Variants in THAP4 observed in about 807,000 individuals in gnomAD.
THAP4 encodes the protein peroxynitrite isomerase THAP4.
THAP4 carries 18 observed loss-of-function variants against 48.1 expected under a neutral mutation model. That is an observed-to-expected ratio of 0.37 (90% CI 0.26 to 0.56). The LOEUF is 0.56. Ranked by LOEUF, THAP4 falls within the 20% of genes least tolerant of loss-of-function variation. The pLI, the probability that THAP4 is intolerant of heterozygous loss-of-function variation, is 0.78. For synonymous variants in THAP4, 345 were observed against 324.9 expected (o/e 1.06, Z -0.66); for missense variants, 656 against 774.9 (o/e 0.85, Z 1.82).
intron 2 of THAP4, 124 bp from the exon 3 acceptor site, chr2:241,606,597 T>C (rs1343553286): frequency 8.4e-6 from 8 of 950,328 alleles, no homozygotes; most frequent in Non-Finnish European, 4.5e-6. Context: ...CTGGGGGACC[T>C]GTCAAGAGCG....
chr2:241,619,831 C>CA (rs2067395904), intron 2 of THAP4, among the ~76,000 whole-genome samples: 1 of 36,854 alleles, frequency 2.7e-5, no homozygotes. Flanking sequence ...AGTTGTGAGT[C>CA]GTGAGTGAGG....
At position 241,633,904 on chromosome 2, in the gene THAP4, A is replaced by G; in HGVS notation, c.253T>C (p.Phe85Leu). The G allele has an allele frequency of 6.2e-7, 1 of 1,614,042 alleles. No homozygotes were observed. Among genetic ancestry groups the G allele is most frequent in the Non-Finnish European group, 8.5e-7 (1 of 1,179,988 alleles). The change falls in exon 2 of 6, where the codon TTC becomes CTC. Residue 85 changes from phenylalanine (F) to leucine (L), a missense_variant. Phe to Leu is a conservative substitution (Grantham distance 22). This residue lies in a region of THAP4 where 391 missense variants were observed against 412.4 expected (regional missense o/e 0.95). Coordinates refer to ENST00000407315, the MANE Select transcript of THAP4 (RefSeq NM_015963.6). This position sits in a 1 kb window ranked among gnomAD's most constrained non-coding sequence, Gnocchi z 7.5. ...CCCCTCTTCTTCTCGGTCAGGTGGA[A>G]GATGGATGGCACGGCCGTGGGCTTC... ...LLKPTAVPSIFHLTEKKRGAG... is the reference protein window; with the variant it reads ...LLKPTAVPSILHLTEKKRGAG...
At chr2:241,636,607 G>T (rs1158913531) in intron 1 of THAP4, among the ~76,000 whole-genome samples, 1 of 152,196 alleles carries the variant, frequency 6.6e-6, no homozygotes, top group Non-Finnish European at 1.5e-5. Context: ...GACGGCCCGC[G>T]CGGTCCGGAG....
In THAP4 at chr2:241,610,108, G is replaced by A. The variant is rs568555303; in HGVS notation, c.1241-3635C>T. ...AGGGCCCCGAGGAAGAGGCCAAGGG[G>A]CCTGGCGGCGCCCCCCAGGGTCCCA... On this transcript the variant is annotated intron_variant, in intron 2 of 5. Coordinates refer to ENST00000407315, the MANE Select transcript of THAP4 (RefSeq NM_015963.6). This position sits in a 1 kb window ranked among gnomAD's most constrained non-coding sequence, Gnocchi z 4.2. Among the ~76,000 whole-genome samples the A allele has an allele frequency of 6.6e-5, 10 of 152,194 alleles. No individual in the cohort carries two copies. Among genetic ancestry groups the A allele is most frequent in the Non-Finnish European group, 1.5e-4 (10 of 68,016 alleles).
intron 3 of THAP4, among the ~76,000 whole-genome samples, chr2:241,605,808 C>T (rs1450887527): frequency 6.6e-6 from 1 of 151,992 alleles, no homozygotes; most frequent in Non-Finnish European, 1.5e-5. Flanking sequence ...CTTGGCCCTC[C>T]CTGGGTTCAA....
At chr2:241,634,816 G>A (rs917599997) in intron 1 of THAP4, among the ~76,000 whole-genome samples, 2 of 152,090 alleles carry the variant, frequency 1.3e-5, no homozygotes, top group African/African-American at 2.4e-5. Flanking sequence ...AGTGAAACCC[G>A]GTCTTCTCCC....
At chr2:241,602,815 C>A (rs2067131564) in intron 4 of THAP4, among the ~76,000 whole-genome samples, 155 bp downstream of exon 4, 1 of 152,228 alleles carries the variant, frequency 6.6e-6, no homozygotes, top group African/African-American at 2.4e-5. Context: ...GCCCCGCAGG[C>A]TCCCAGGACC....
intron 2 of THAP4, among the ~76,000 whole-genome samples, chr2:241,619,940 G>A (rs1182516170): frequency 8.8e-6 from 1 of 113,940 alleles, no homozygotes; most frequent in African/African-American, 3.5e-5. Context: ...GGTGAGGGGT[G>A]AGTGAGTCAT....
chr2:241,607,100 C>T (rs1344396303), intron 2 of THAP4, among the ~76,000 whole-genome samples: 1 of 152,112 alleles, frequency 6.6e-6, no homozygotes, highest in East Asian at 1.9e-4. Context: ...TGGGGCTTCA[C>T]AGCAGCCTGT....
chr2:241,603,070 G>C lies in THAP4; in HGVS notation c.1410C>G (p.Ser470=). The change falls in exon 4 of 6, where the codon TCC becomes TCG. Residue 470 remains serine, a synonymous_variant. Transcript: ENST00000407315. ...TCGGCTTGCGCGTGTCCGGGTGGAA[G>C]GAGTTGAACCTGGACGGGAAGTTGG... ...GQPMLNFSFN[S]FHPDTRKPMH... The C allele has an allele frequency of 6.2e-7, 1 of 1,613,752 alleles. No homozygotes were observed. The highest frequency in any genetic ancestry group is 8.5e-7 in the Non-Finnish European group (1 of 1,179,766).
intron 2 of THAP4, among the ~76,000 whole-genome samples, chr2:241,608,376 C>T (rs2067215834): frequency 6.6e-6 from 1 of 152,118 alleles, no homozygotes; most frequent in South Asian, 2.1e-4. Flanking sequence ...TTCAGTATTT[C>T]CTTTTTTGTT....
chr2:241,632,914 G>T lies in THAP4; in HGVS notation c.1240+3C>A. 2 of 1,591,302 alleles carry T rather than the reference G, an allele frequency of 1.3e-6. No individual in the cohort carries two copies. Among genetic ancestry groups the T allele is most frequent in the South Asian group, 2.3e-5 (2 of 87,642 alleles). ...CATGGGTACGCGAGGCTCCGGTACT[G>T]ACCGCGGCTGGGCGACAGCAGGCTA... On this transcript the variant is annotated splice_donor_region_variant and intron_variant, in intron 2 of 5. Coordinates refer to ENST00000407315, the MANE Select transcript of THAP4 (RefSeq NM_015963.6).
chr2:241,599,240 A>G (rs2067084813), intron 5 of THAP4, among the ~76,000 whole-genome samples: 2 of 144,350 alleles, frequency 1.4e-5, no homozygotes, highest in African/African-American at 5.3e-5. Flanking sequence ...CAACAGATTG[A>G]GACTCTGTCT....
At chr2:241,590,630 C>T (rs2066955502) in intron 5 of THAP4, among the ~76,000 whole-genome samples, 5 of 151,528 alleles carry the variant, frequency 3.3e-5, no homozygotes, top group African/African-American at 4.9e-5. Context: ...CACTAGGACA[C>T]GCAGAGCTGC....
chr2:241,624,507 A>C (rs1468957188), intron 2 of THAP4, among the ~76,000 whole-genome samples: 1 of 151,986 alleles, frequency 6.6e-6, no homozygotes, highest in Non-Finnish European at 1.5e-5. Context: ...AAAGATACAA[A>C]TAAACAGTCA....
chr2:241,598,154 C>T (rs2067071872), intron 5 of THAP4, among the ~76,000 whole-genome samples: 1 of 152,138 alleles, frequency 6.6e-6, no homozygotes, highest in Non-Finnish European at 1.5e-5. Context: ...ATGAAACGGA[C>T]ACTTTTGCAG....
At position 241,633,047 on chromosome 2, in the gene THAP4, GTTC is replaced by G; in HGVS notation, c.1107_1109del (p.Lys369del). 1.9e-6 allele frequency: 3 copies of G among 1,613,954 alleles called. No individual in the cohort carries two copies. The highest frequency in any genetic ancestry group is 1.7e-6 in the Non-Finnish European group (2 of 1,180,030). On this transcript the variant is annotated inframe_deletion, in exon 2 of 6. Transcript: ENST00000407315. The surrounding 1 kb of genome is among the most constrained non-coding windows in gnomAD (Gnocchi z 7.5). ...TCTGCCGCAGGCTCTTCAGCTCGCC[GTTC>G]TTCTTCTCCACCTGCTCCCGCAGGC... is the stretch of plus-strand genomic sequence containing the variant.
At chr2:241,627,477 GAGA>G (rs2067507977) in intron 2 of THAP4, among the ~76,000 whole-genome samples, 2 of 152,196 alleles carry the variant, frequency 1.3e-5, no homozygotes, top group Admixed American at 6.5e-5. Context: ...GCTGCTGGCG[GAGA>G]AGAACACTAC....
chr2:241,625,481 CA>C (rs67920958), intron 2 of THAP4, among the ~76,000 whole-genome samples: 37,430 of 88,282 alleles, frequency 0.42, 4,859 homozygotes, highest in East Asian at 0.46. Context: ...GACACTGTCT[CA>C]AAAAAAAAAA....
Sources: allele counts gnomAD v4.1 joint callset (sites outside exome capture counted in the v4.1 genomes callset), GRCh38; gene constraint gnomAD v4.1.1; regional missense constraint gnomAD v4.1.1; non-coding constraint Gnocchi (gnomAD v3.1); transcripts MANE v1.5; gene names NCBI Gene and HGNC (gene_info 2026-07-23, HGNC 2026-07-21).